The following EYA4 variants were observed in gnomAD, a reference collection of about 807,000 sequenced individuals.
The protein encoded by EYA4 is protein phosphatase EYA4.
In EYA4, 31 loss-of-function variants were observed where a neutral mutation model predicts 87.9. The ratio of observed to expected loss-of-function variants is 0.35; its 90% CI spans 0.27 to 0.48. The LOEUF (loss-of-function observed/expected upper bound fraction) is 0.48. Ranked by LOEUF, EYA4 falls within the 20% of genes least tolerant of loss-of-function variation. EYA4 has a pLI of 0.99. For synonymous variants in EYA4, 263 were observed against 270.6 expected (o/e 0.97, Z 0.28); for missense variants, 678 against 761.4 (o/e 0.89, Z 1.29).
At chr6:133,432,794 C>T (rs2128589358) in intron 3 of EYA4, among the ~76,000 whole-genome samples, 1 of 152,194 alleles carries the variant, frequency 6.6e-6, no homozygotes, top group South Asian at 2.1e-4. Context: ...GTGCTAACTT[C>T]CTTGCTCTCA....
chr6:133,295,616 A>G lies in EYA4; in HGVS notation c.33+20803A>G, dbSNP rs142225637. Among the ~76,000 whole-genome samples the G allele has an allele frequency of 2.7e-3, 405 of 152,342 alleles. 1 individual carries two copies. Among genetic ancestry groups the G allele is most frequent in the African/African-American group, 9.3e-3 (387 of 41,572 alleles). Reference sequence around the variant, plus strand: ...CAATTTTTATCCTTGCAAAAATGACAAGTATAATTGGGGTATTTACATTCT... The same window carrying G: ...CAATTTTTATCCTTGCAAAAATGACGAGTATAATTGGGGTATTTACATTCT... On this transcript the variant is annotated intron_variant, in intron 2 of 19. Coordinates refer to ENST00000355286, the MANE Select transcript of EYA4 (RefSeq NM_004100.5).
chr6:133,312,912 C>A (rs1362879372), intron 2 of EYA4, among the ~76,000 whole-genome samples: 1 of 152,038 alleles, frequency 6.6e-6, no homozygotes, highest in Non-Finnish European at 1.5e-5. Flanking sequence ...TTCCCTGTAG[C>A]ACTGAGCCTA....
intron 2 of EYA4, among the ~76,000 whole-genome samples, chr6:133,301,175 A>C (rs1336087443): frequency 6.6e-6 from 1 of 152,238 alleles, no homozygotes; most frequent in Non-Finnish European, 1.5e-5. Flanking sequence ...TATTATAATC[A>C]TAAGAGTATA....
intron 10 of EYA4, among the ~76,000 whole-genome samples, chr6:133,467,233 C>T (rs1178431613): frequency 6.6e-6 from 1 of 152,108 alleles, no homozygotes; most frequent in African/African-American, 2.4e-5. Flanking sequence ...CAGAGAGCTT[C>T]AGCACAGATG....
Position 133,523,093 on chromosome 6 carries a change from C to A in EYA4, c.1654C>A (p.Leu552Met). ...CINVLVTTTQ[L>M]IPALAKVLLY... ...AAATGTCTTGGTAACGACAACTCAA[C>A]TGATCCCAGCACTTGCGAAGGTTCT... Residue 552 changes from leucine (L) to methionine (M), a missense_variant, in exon 18 of 20, where the codon CTG becomes ATG. Physicochemically the swap from Leu to Met is conservative, Grantham distance 15 (BLOSUM62 2). Coordinates refer to ENST00000355286, the MANE Select transcript of EYA4 (RefSeq NM_004100.5). 6.2e-7 allele frequency: 1 copy of A among 1,612,352 alleles called. No homozygotes were observed.
chr6:133,517,528 C>T (rs1488426393), intron 17 of EYA4, among the ~76,000 whole-genome samples: 1 of 142,866 alleles, frequency 7.0e-6, no homozygotes, highest in Non-Finnish European at 1.5e-5. Flanking sequence ...AAAAGCCTGA[C>T]AGGGCAAAAA....
chr6:133,272,257 G>A (rs549321804), intron 1 of EYA4, among the ~76,000 whole-genome samples: 1 of 152,248 alleles, frequency 6.6e-6, no homozygotes, highest in East Asian at 1.9e-4. Flanking sequence ...CTCTTCCTCT[G>A]TCAACTGATC....
chr6:133,433,367 G>A (rs932081937), intron 3 of EYA4, among the ~76,000 whole-genome samples: 3 of 152,124 alleles, frequency 2.0e-5, no homozygotes, highest in Non-Finnish European at 4.4e-5. Context: ...CCAGAGGCTC[G>A]GATATTTATG....
chr6:133,368,032 C>A (rs2128458974), intron 2 of EYA4, among the ~76,000 whole-genome samples: 1 of 152,214 alleles, frequency 6.6e-6, no homozygotes, highest in African/African-American at 2.4e-5. Context: ...CTAGACATCT[C>A]TGTTTATAAA....
chr6:133,334,597 C>G (rs1444887791), intron 2 of EYA4, among the ~76,000 whole-genome samples: 1 of 152,076 alleles, frequency 6.6e-6, no homozygotes, highest in African/African-American at 2.4e-5. Flanking sequence ...AGCACAAACT[C>G]GAAGTTGTAT....
chr6:133,492,235 C>G (rs902683006), intron 13 of EYA4, among the ~76,000 whole-genome samples: 1 of 152,116 alleles, frequency 6.6e-6, no homozygotes, highest in Non-Finnish European at 1.5e-5. Flanking sequence ...CTGAATTCAA[C>G]AACACATTGA....
chr6:133,465,373 T>G (rs761057283), intron 10 of EYA4, among the ~76,000 whole-genome samples: 2 of 152,182 alleles, frequency 1.3e-5, no homozygotes, highest in Non-Finnish European at 2.9e-5. Context: ...TTATGAATAC[T>G]TTTAATAAAT....
intron 2 of EYA4, among the ~76,000 whole-genome samples, chr6:133,338,140 G>T (rs1342547240): frequency 2.0e-5 from 3 of 152,154 alleles, no homozygotes; most frequent in Admixed American, 6.6e-5. Flanking sequence ...AGCTTACTTT[G>T]TGGGCTTACC....
At chr6:133,417,751 G>A (rs957749762) in intron 3 of EYA4, among the ~76,000 whole-genome samples, 96 of 152,264 alleles carry the variant, frequency 6.3e-4, no homozygotes, top group African/African-American at 2.2e-3. Flanking sequence ...GAGAGATATT[G>A]TTGTTCCCTT....
rs57398314 is a variant in EYA4, at chr6:133,330,568, TACACACACAC to T, written c.34-51808_34-51799del. Among the ~76,000 whole-genome samples, 113 of 143,870 alleles carry T rather than the reference TACACACACAC, an allele frequency of 7.9e-4. 1 individual carries two copies. Among genetic ancestry groups the T allele is most frequent in the Non-Finnish European group, 3.8e-4 (25 of 66,000 alleles). The allele number at this position is 143,870 out of a possible 152,430, so 94.4% of individuals were successfully genotyped here. A position where few individuals can be genotyped will look rare whatever the true frequency, so the allele number is the denominator to read the frequency against. Reference sequence around the variant, plus strand: ...TGAGATTTATATATATATATATATATACACACACACACACACACACACACATACTTTTTTG... The same window carrying T: ...TGAGATTTATATATATATATATATATACACACACACACACATACTTTTTTG... On this transcript the variant is annotated intron_variant, in intron 2 of 19. Transcript: ENST00000355286.
In EYA4 at chr6:133,332,488, C is replaced by T. The variant is rs554616087; in HGVS notation, c.34-49904C>T. On this transcript the variant is annotated intron_variant, in intron 2 of 19. Coordinates refer to ENST00000355286, the MANE Select transcript of EYA4 (RefSeq NM_004100.5). ...CTGCATATTCATTGTGCTATACTCT[C>T]TGTGATATTATTTTGGCAATTGGAA... 1.4e-3 allele frequency among the ~76,000 whole-genome samples: 214 copies of T among 152,276 alleles called. 1 individual carries two copies. Among genetic ancestry groups the T allele is most frequent in the Middle Eastern group, 3.4e-3 (1 of 294 alleles).
chr6:133,357,663 G>A (rs1275340363), intron 2 of EYA4, among the ~76,000 whole-genome samples: 1 of 152,050 alleles, frequency 6.6e-6, no homozygotes, highest in Non-Finnish European at 1.5e-5. Context: ...AGACACAGGA[G>A]CCCATTATCC....
chr6:133,493,425 G>A (rs918281613), intron 13 of EYA4, among the ~76,000 whole-genome samples: 2 of 152,102 alleles, frequency 1.3e-5, no homozygotes, highest in African/African-American at 4.8e-5. Context: ...CCTATCTCTT[G>A]CCACATACAA....
intron 11 of EYA4, among the ~76,000 whole-genome samples, chr6:133,470,998 C>T (rs1217139783): frequency 5.9e-5 from 5 of 84,268 alleles, no homozygotes; most frequent in South Asian, 5.6e-4. Context: ...TGGGCTGAGA[C>T]GATGGGGTTC....
Sources: allele counts gnomAD v4.1 joint callset (sites outside exome capture counted in the v4.1 genomes callset), GRCh38; gene constraint gnomAD v4.1.1; transcripts MANE v1.5; gene names NCBI Gene and HGNC (gene_info 2026-07-23, HGNC 2026-07-21).